Variants in KCNT1 observed in about 807,000 individuals in gnomAD.
The protein encoded by KCNT1 is potassium channel subfamily T member 1.
A neutral mutation model predicts 147.8 loss-of-function variants in KCNT1; 78 were observed. That is an observed-to-expected ratio of 0.53 (90% CI 0.44 to 0.64). The LOEUF (loss-of-function observed/expected upper bound fraction) is 0.64. Among genes scored for constraint, KCNT1 ranks in the 30% least tolerant of loss-of-function variants. KCNT1 has a pLI of 0.00. For missense variants in KCNT1, 1,419 were observed against 1,750.3 expected (o/e 0.81, Z 3.38); for synonymous variants, 867 against 748.8 (o/e 1.16, Z -2.58).
chr9:135,756,576 G>A (rs550219863), intron 6 of KCNT1, among the ~76,000 whole-genome samples: 23 of 152,242 alleles, frequency 1.5e-4, no homozygotes, highest in African/African-American at 4.1e-4. Flanking sequence ...CGGGATAGCC[G>A]CTCTCTGGTG....
Position 135,758,518 on chromosome 9 carries a change from G to A in KCNT1, c.854+10G>A, listed in dbSNP as rs146470183. 1.5e-4 allele frequency: 244 copies of A among 1,610,292 alleles called. No individual in the cohort carries two copies. The African/African-American group carries it at 2.4e-3, about 16-fold the overall frequency. On this transcript the variant is annotated intron_variant, in intron 10 of 30. Coordinates refer to ENST00000371757, the MANE Select transcript of KCNT1 (RefSeq NM_020822.3). The stretch of plus-strand genomic sequence containing the variant: ...GCCTCGTTTTCACGGGGTGAGTGCC[G>A]GCCGTCAGTGTGAGCACCCCAGGAC...
At position 135,714,817 on chromosome 9, in the gene KCNT1, C is replaced by A; in HGVS notation, c.254+97C>A. 1 of 883,386 alleles carries A rather than the reference C, an allele frequency of 1.1e-6. No individual in the cohort carries two copies. The highest frequency in any genetic ancestry group is 1.4e-6 in the Non-Finnish European group (1 of 703,510). The allele number at this position is 883,386 out of a possible 1,614,324, so 54.7% of individuals were successfully genotyped here. ...GTGCTGACGGCCGGTCCCGCGCGCC[C>A]CCGCAGCCGCCGGCGCCCTTCAACT... On this transcript the variant is annotated intron_variant, in intron 2 of 30. Transcript: ENST00000371757. This position sits in a 1 kb window ranked among gnomAD's most constrained non-coding sequence, Gnocchi z 6.2.
intron 13 of KCNT1, chr9:135,766,816 G>A (rs77906448): frequency 0.025 from 3,783 of 152,346 alleles, 119 homozygotes; most frequent in African/African-American, 0.075. Context: ...CAGGGTGAGG[G>A]GCAGCCTTTT....
At chr9:135,758,212 C>CACA (rs1564353669) in intron 9 of KCNT1, among the ~76,000 whole-genome samples, 5 of 146,194 alleles carry the variant, frequency 3.4e-5, no homozygotes, top group African/African-American at 1.3e-4. Context: ...TCAGCCGAGA[C>CACA]GCAGGTGTGG....
At chr9:135,740,708 G>C (rs912637545) in intron 2 of KCNT1, among the ~76,000 whole-genome samples, 1 of 152,236 alleles carries the variant, frequency 6.6e-6, no homozygotes, top group Admixed American at 6.5e-5. Context: ...TGTTGACAGC[G>C]AGCCTGGCCA....
chr9:135,725,963 G>A (rs1752248797), intron 2 of KCNT1, among the ~76,000 whole-genome samples: 1 of 152,140 alleles, frequency 6.6e-6, no homozygotes, highest in Non-Finnish European at 1.5e-5. Flanking sequence ...AGGGGTTGGT[G>A]GGCAGCAGCC....
intron 1 of KCNT1, among the ~76,000 whole-genome samples, chr9:135,705,423 A>G (rs1410128559): frequency 6.6e-6 from 1 of 152,234 alleles, no homozygotes; most frequent in African/African-American, 2.4e-5. Flanking sequence ...CTGTGTGTGC[A>G]TGTGAACCTG....
At chr9:135,770,202 C>T (rs1013094878) in intron 16 of KCNT1, 96 bp from the exon 17 acceptor site, 2 of 1,462,830 alleles carry the variant, frequency 1.4e-6, no homozygotes, top group East Asian at 2.3e-5. Flanking sequence ...GGATCCATGC[C>T]AGGGGAAGCA....
Position 135,752,048 on chromosome 9 carries a change from G to C in KCNT1, c.434+1007G>C, listed in dbSNP as rs370753245. ...ATTGGGCCCTGACTTTTTCATACCC[G>C]TAGATTTCCTCAAATGTCTGGTGCC... On this transcript the variant is annotated intron_variant, in intron 4 of 30. Transcript: ENST00000371757. The surrounding 1 kb of genome is among the most constrained non-coding windows in gnomAD (Gnocchi z 5.1). 1 of 208,862 alleles carries C rather than the reference G, an allele frequency of 4.8e-6. No individual in the cohort carries two copies. The highest frequency in any genetic ancestry group is 1.4e-4 in the East Asian group (1 of 7,238). 12.9% of individuals were successfully genotyped at this position (208,862 alleles called of 1,614,324 possible).
chr9:135,770,616 C>T (rs1022115945), intron 17 of KCNT1, among the ~76,000 whole-genome samples, 169 bp downstream of exon 17: 6 of 152,188 alleles, frequency 3.9e-5, no homozygotes, highest in African/African-American at 4.8e-5. Context: ...GACTGGGCTC[C>T]GGGTCCACAT....
chr9:135,785,903 C>G (rs1016242917), intron 28 of KCNT1: 2 of 514,016 alleles, frequency 3.9e-6, no homozygotes, highest in African/African-American at 3.9e-5. Flanking sequence ...AATAAGGGCT[C>G]AGAGAGGCGA....
intron 18 of KCNT1, among the ~76,000 whole-genome samples, chr9:135,771,918 C>T (rs1001815981): frequency 2.6e-5 from 4 of 152,060 alleles, no homozygotes; most frequent in South Asian, 4.1e-4. Flanking sequence ...CACCCCAGCA[C>T]GCCCACCCTG....
chr9:135,745,795 A>C (rs1392375216), intron 2 of KCNT1, among the ~76,000 whole-genome samples: 5 of 152,206 alleles, frequency 3.3e-5, no homozygotes, highest in Admixed American at 3.3e-4. Context: ...GTGTAGCCTC[A>C]CAGGGCTCAC....
intron 16 of KCNT1, 51 bp from the exon 17 acceptor site, chr9:135,770,247 G>A (rs1255424808): frequency 2.6e-6 from 4 of 1,548,288 alleles, no homozygotes; most frequent in Non-Finnish European, 1.7e-6. Flanking sequence ...CGGGGAGAAG[G>A]GGCAGCCATG....
chr9:135,785,183 CA>C, intron 27 of KCNT1, 126 bp from the exon 28 acceptor site: 1 of 1,399,274 alleles, frequency 7.1e-7, no homozygotes, highest in Non-Finnish European at 9.9e-7. Flanking sequence ...CCCTGTGCTG[CA>C]GTCCACACAG....
At chr9:135,758,188 C>T (rs1831634725) in intron 9 of KCNT1, among the ~76,000 whole-genome samples, 1 of 147,470 alleles carries the variant, frequency 6.8e-6, no homozygotes, top group African/African-American at 2.5e-5. Context: ...CAGGTGCAGG[C>T]TGCCCCGTGG....
intron 1 of KCNT1, among the ~76,000 whole-genome samples, chr9:135,709,693 T>C (rs1835410301): frequency 6.6e-6 from 1 of 152,206 alleles, no homozygotes; most frequent in Non-Finnish European, 1.5e-5. Context: ...AGTCGTTTTC[T>C]TTTTTGAGAT....
At chr9:135,737,956 G>A (rs1430078373) in intron 2 of KCNT1, among the ~76,000 whole-genome samples, 1 of 152,202 alleles carries the variant, frequency 6.6e-6, no homozygotes, top group African/African-American at 2.4e-5. Flanking sequence ...AGGCCCTGGG[G>A]ACCACAGTCC....
At chr9:135,727,467 CCT>C (rs1215192464) in intron 2 of KCNT1, among the ~76,000 whole-genome samples, 2 of 147,348 alleles carry the variant, frequency 1.4e-5, no homozygotes, top group South Asian at 2.2e-4. Flanking sequence ...TCTCTCTCTC[CCT>C]CTCTCTCTGT....
Sources: allele counts gnomAD v4.1 joint callset (sites outside exome capture counted in the v4.1 genomes callset), GRCh38; gene constraint gnomAD v4.1.1; non-coding constraint Gnocchi (gnomAD v3.1); transcripts MANE v1.5; gene names NCBI Gene and HGNC (gene_info 2026-07-23, HGNC 2026-07-21).